RBFOX1: variants seen among roughly 807,000 people sequenced by gnomAD.
RBFOX1 encodes RNA binding fox-1 homolog 1, also known as RNA binding protein fox-1 homolog 1.
RBFOX1 carries 8 observed loss-of-function variants against 57.7 expected under a neutral mutation model. The ratio of observed to expected loss-of-function variants is 0.14; its 90% confidence interval spans 0.08 to 0.25. The LOEUF (loss-of-function observed/expected upper bound fraction) is 0.25. Ranked by LOEUF, RBFOX1 falls within the 10% of genes least tolerant of loss-of-function variation. The pLI is 1.00. For missense variants in RBFOX1, 611 were observed against 548.5 expected, an observed-to-expected ratio of 1.11 and a Z score of -1.14; for synonymous variants, 326 against 222.4, an observed-to-expected ratio of 1.47 and a Z score of -4.15.
At chr16:5,968,478 G>C (rs1192191008) in intron 4 of RBFOX1, among the ~76,000 whole-genome samples, 2 of 152,134 alleles carry the variant, frequency 1.3e-5, no homozygotes, top group Non-Finnish European at 2.9e-5. Context: ...ACTTGTGTTG[G>C]ATGTAGAACA....
chr16:7,071,003 A>C (rs1406218197), intron 4 of RBFOX1, among the ~76,000 whole-genome samples: 1 of 152,154 alleles, frequency 6.6e-6, no homozygotes, highest in Non-Finnish European at 1.5e-5. Flanking sequence ...AGTTGTCCTC[A>C]AGCTACATTT....
intron 1 of RBFOX1, among the ~76,000 whole-genome samples, chr16:5,356,576 C>T (rs2065395375): frequency 6.6e-6 from 1 of 152,074 alleles, no homozygotes; most frequent in Admixed American, 6.6e-5. Flanking sequence ...TCTGTTGTGT[C>T]CCTAGCTTCT....
chr16:7,260,471 A>AT (rs549797720), intron 4 of RBFOX1, among the ~76,000 whole-genome samples: 1,942 of 150,640 alleles, frequency 0.013, 52 homozygotes, highest in African/African-American at 0.042. Flanking sequence ...GCACTGTTTG[A>AT]TTTTTTTTTT....
In RBFOX1 at chr16:6,541,495, A is replaced by G. The variant is rs1475465734; in HGVS notation, c.-63-113108A>G. ...CAGTGATCTGCCGAGAAAGATGACA[A>G]CAGTGTCACATCAGGGTGACGTAGT... is the stretch of plus-strand genomic sequence containing the variant. On this transcript the variant is annotated intron_variant, in intron 2 of 15. Coordinates refer to ENST00000550418, the MANE Select transcript of RBFOX1 (RefSeq NM_018723.4). Among the ~76,000 whole-genome samples the G allele has an allele frequency of 9.2e-5, 14 of 152,208 alleles. No individual in the cohort carries two copies. In the South Asian group the frequency reaches 2.7e-3, roughly 29 times the overall value.
chr16:6,641,929 C>T (rs1057323893), intron 2 of RBFOX1, among the ~76,000 whole-genome samples: 2 of 152,086 alleles, frequency 1.3e-5, no homozygotes, highest in Admixed American at 6.5e-5. Context: ...CTTCCAGCCT[C>T]TTCTCTTTTT....
chr16:6,265,742 C>T (rs1484533217), intron 1 of RBFOX1, among the ~76,000 whole-genome samples: 1 of 152,160 alleles, frequency 6.6e-6, no homozygotes, highest in African/African-American at 2.4e-5. Flanking sequence ...TCTCAACTGC[C>T]TTCCTTGTAC....
chr16:6,289,020 C>A (rs1355919824), intron 1 of RBFOX1, among the ~76,000 whole-genome samples: 1 of 152,118 alleles, frequency 6.6e-6, no homozygotes, highest in Non-Finnish European at 1.5e-5. Context: ...TCTCCAGAAT[C>A]TGAACAGAAT....
intron 1 of RBFOX1, among the ~76,000 whole-genome samples, chr16:6,071,959 C>T (rs936220683): frequency 1.3e-5 from 2 of 152,156 alleles, no homozygotes; most frequent in Admixed American, 6.5e-5. Flanking sequence ...GTATACACGA[C>T]ATTTTCTTCA....
At chr16:6,162,291 T>G (rs547523955) in intron 1 of RBFOX1, among the ~76,000 whole-genome samples, 8 of 152,270 alleles carry the variant, frequency 5.3e-5, no homozygotes, top group African/African-American at 1.9e-4. Flanking sequence ...AATTCTTGTA[T>G]TTTTAGTAGA....
At position 7,335,101 on chromosome 16, in the gene RBFOX1, C is replaced by T. The variant is rs966183467; in HGVS notation, c.28-183046C>T. Among the ~76,000 whole-genome samples the T allele has an allele frequency of 3.3e-5, 5 of 152,064 alleles. No individual in the cohort carries two copies. The East Asian group carries it at 5.8e-4, about 18-fold the overall frequency. ...TTTGGCATCAAGTAGCTAAAATCAC[C>T]CCAGTGCAGTAATATTTGCAAGGGG... is the stretch of plus-strand genomic sequence containing the variant. On this transcript the variant is annotated intron_variant, in intron 4 of 15. Coordinates refer to ENST00000550418, the MANE Select transcript of RBFOX1 (RefSeq NM_018723.4).
intron 2 of RBFOX1, among the ~76,000 whole-genome samples, chr16:5,482,530 A>G (rs1475491197): frequency 6.6e-5 from 10 of 152,250 alleles, no homozygotes; most frequent in African/African-American, 1.9e-4. Flanking sequence ...CAAAGCAGGC[A>G]CTTAATGCAA....
chr16:7,635,918 C>A (rs1052824560), intron 11 of RBFOX1, among the ~76,000 whole-genome samples: 1 of 152,202 alleles, frequency 6.6e-6, no homozygotes, highest in Non-Finnish European at 1.5e-5. Context: ...TCACACCATT[C>A]TCCTGTCTCA....
At chr16:7,393,747 C>T (rs916815336) in intron 4 of RBFOX1, among the ~76,000 whole-genome samples, 3 of 152,164 alleles carry the variant, frequency 2.0e-5, no homozygotes, top group Non-Finnish European at 2.9e-5. Context: ...AAGGTGTCCC[C>T]CAGGAAGGGG....
intron 3 of RBFOX1, among the ~76,000 whole-genome samples, chr16:7,033,311 G>C (rs1420044841): frequency 6.6e-6 from 1 of 152,182 alleles, no homozygotes; most frequent in Non-Finnish European, 1.5e-5. Flanking sequence ...CCCGAGGCCA[G>C]GAGTTTGAGA....
intron 3 of RBFOX1, among the ~76,000 whole-genome samples, chr16:6,809,342 A>G (rs2087812703): frequency 6.6e-6 from 1 of 152,218 alleles, no homozygotes; most frequent in Non-Finnish European, 1.5e-5. Context: ...AAACTAATGT[A>G]GATTGCCTCT....
At chr16:5,724,808 C>T (rs930373503) in intron 3 of RBFOX1, among the ~76,000 whole-genome samples, 11 of 152,296 alleles carry the variant, frequency 7.2e-5, no homozygotes, top group Admixed American at 5.2e-4. Flanking sequence ...GATATCTACA[C>T]CAGCCCACTA....
chr16:5,864,839 AC>A (rs2057309651), intron 3 of RBFOX1, among the ~76,000 whole-genome samples: 1 of 151,698 alleles, frequency 6.6e-6, no homozygotes, highest in Admixed American at 6.6e-5. Flanking sequence ...ATCATTAGTT[AC>A]CCCACAGGCC....
At chr16:5,706,018 C>T (rs2051234633) in intron 3 of RBFOX1, among the ~76,000 whole-genome samples, 1 of 152,192 alleles carries the variant, frequency 6.6e-6, no homozygotes, top group East Asian at 1.9e-4. Context: ...TCAAGCAATT[C>T]TCTTGCGTCT....
intron 3 of RBFOX1, among the ~76,000 whole-genome samples, chr16:6,710,839 A>G (rs1000592185): frequency 6.6e-6 from 1 of 152,174 alleles, no homozygotes; most frequent in Non-Finnish European, 1.5e-5. Context: ...AGCAAAAACA[A>G]ATTTGGTGAG....
Sources: gnomAD v4.1 joint callset for allele counts (sites outside exome capture counted in the v4.1 genomes callset) on GRCh38, gnomAD v4.1.1 for gene constraint, MANE v1.5 for transcripts, NCBI Gene and HGNC (gene_info 2026-07-23, HGNC 2026-07-21) for gene names.